HTT: variants seen among roughly 807,000 people sequenced by gnomAD.
HTT encodes huntingtin.
A neutral mutation model predicts 362.3 loss-of-function variants in HTT; 104 were observed. The observed-to-expected ratio is 0.29, with a 90% CI of 0.24 to 0.34. The LOEUF (loss-of-function observed/expected upper bound fraction) is 0.34, where lower values mean the gene tolerates loss of function less well. Ranked by LOEUF, HTT falls within the 10% of genes least tolerant of loss-of-function variation. The probability of loss-of-function intolerance (pLI) is 1.00; values close to 1 mark genes in which losing one functional copy is unlikely to be tolerated. For synonymous variants in HTT, 1,577 were observed against 1,548.7 expected, an observed-to-expected ratio of 1.02 and a Z score of -0.43; for missense variants, 3,301 against 3,928.6, an observed-to-expected ratio of 0.84 and a Z score of 4.27.
chr4:3,106,067 G>A (rs1355502099), intron 5 of HTT, among the ~76,000 whole-genome samples: 2 of 152,168 alleles, frequency 1.3e-5, no homozygotes, highest in East Asian at 1.9e-4. Context: ...TATGAACTGA[G>A]TTTCAATAAG....
intron 6 of HTT, among the ~76,000 whole-genome samples, chr4:3,112,495 G>A (rs1714805838): frequency 6.6e-6 from 1 of 152,166 alleles, no homozygotes; most frequent in Non-Finnish European, 1.5e-5. Flanking sequence ...TTTAAATTCT[G>A]TGTACATAGA....
At chr4:3,089,271 T>TG (rs1382902026) in intron 2 of HTT, among the ~76,000 whole-genome samples, 1 of 152,150 alleles carries the variant, frequency 6.6e-6, no homozygotes, top group Non-Finnish European at 1.5e-5. Context: ...TTTTTTTTTT[T>TG]GAGACAGAGT....
At chr4:3,150,311 ATTAAAT>A (rs1716811660) in intron 26 of HTT, among the ~76,000 whole-genome samples, 1 of 152,166 alleles carries the variant, frequency 6.6e-6, no homozygotes, top group African/African-American at 2.4e-5. Context: ...TTTAATTTTC[ATTAAAT>A]TTAAATTTAA....
Position 3,160,722 on chromosome 4 carries a change from C to T in HTT, c.3864+330C>T, listed in dbSNP as rs139207016. On this transcript the variant is annotated intron_variant, in intron 29 of 66. Coordinates refer to ENST00000355072, the MANE Select transcript of HTT (RefSeq NM_001388492.1). Reference sequence around the variant, plus strand: ...TTCAAGTGGAAAGGGGCAAAACAGACGGGTAAGGGGGCGGGGCGGGAGGTG... The same window carrying T: ...TTCAAGTGGAAAGGGGCAAAACAGATGGGTAAGGGGGCGGGGCGGGAGGTG... Among the ~76,000 whole-genome samples, 167 of 151,814 alleles carry T rather than the reference C, an allele frequency of 1.1e-3. 1 individual carries two copies. The highest frequency in any genetic ancestry group is 1.8e-3 in the Admixed American group (28 of 15,246).
intron 66 of HTT, 61 bp from the exon 67 acceptor site, chr4:3,239,770 AGAGGAACTCCCAGGT>A: frequency 1.6e-6 from 2 of 1,215,574 alleles, no homozygotes. Flanking sequence ...CTGTTTCAGG[AGAGGAACTCCCAGGT>A]GAGGACAGGG....
chr4:3,145,122 G>A, intron 23 of HTT, 30 bp from the exon 24 acceptor site: 1 of 1,497,952 alleles, frequency 6.7e-7, no homozygotes, highest in Non-Finnish European at 9.3e-7. Flanking sequence ...GTGGTGTTTG[G>A]GTGTGATTTT....
intron 64 of HTT, among the ~76,000 whole-genome samples, chr4:3,237,143 G>A (rs1489679345): frequency 2.7e-5 from 4 of 150,918 alleles, no homozygotes; most frequent in South Asian, 2.1e-4. Context: ...GTGTGATCTC[G>A]GCTCACTGCA....
chr4:3,207,105 A>G, intron 44 of HTT, 122 bp downstream of exon 44: 2 of 1,112,876 alleles, frequency 1.8e-6, no homozygotes, highest in South Asian at 3.1e-5. Flanking sequence ...AGAAACATGG[A>G]AACATCTGCA....
At chr4:3,233,867 T>TC (rs1343221341) in intron 61 of HTT, among the ~76,000 whole-genome samples, 3 of 152,184 alleles carry the variant, frequency 2.0e-5, no homozygotes, top group Admixed American at 6.5e-5. Context: ...CACAGCGATG[T>TC]CTTACAAGCG....
chr4:3,235,277 T>G lies in HTT; in HGVS notation c.8457-7T>G. ...GGCTGAGCCTGGATGCTGTCTCCCG[T>G]TTTCAGCTGCGTGAACATTCACAGC... On this transcript the variant is annotated splice_polypyrimidine_tract_variant and splice_region_variant and intron_variant, in intron 61 of 66. Coordinates refer to ENST00000355072, the MANE Select transcript of HTT (RefSeq NM_001388492.1). 34 of 1,603,248 alleles carry G rather than the reference T, an allele frequency of 2.1e-5. No individual in the cohort carries two copies. Among genetic ancestry groups the G allele is most frequent in the Non-Finnish European group, 2.9e-5 (34 of 1,170,650 alleles).
At chr4:3,235,985 C>T (rs1578617710) in intron 63 of HTT, among the ~76,000 whole-genome samples, 164 bp from the exon 64 acceptor site, 1 of 152,220 alleles carries the variant, frequency 6.6e-6, no homozygotes, top group African/African-American at 2.4e-5. Context: ...TGTGGTCACT[C>T]ATCCCATGTG....
intron 31 of HTT, among the ~76,000 whole-genome samples, chr4:3,173,771 C>G (rs1482145008): frequency 6.6e-6 from 1 of 151,680 alleles, no homozygotes; most frequent in African/African-American, 2.4e-5. Flanking sequence ...TGGGTTCATG[C>G]CATTCTCCTG....
intron 2 of HTT, among the ~76,000 whole-genome samples, chr4:3,091,927 G>C (rs1186112610): frequency 3.9e-5 from 6 of 152,208 alleles, no homozygotes; most frequent in Non-Finnish European, 5.9e-5. Flanking sequence ...AGGAAAGTGT[G>C]TAATGATATT....
chr4:3,212,602 C>G lies in HTT; in HGVS notation c.6667C>G (p.Arg2223Gly), dbSNP rs1407425421. The G allele has an allele frequency of 6.2e-7, 1 of 1,614,240 alleles. No individual in the cohort carries two copies. The highest frequency in any genetic ancestry group is 1.7e-5 in the Admixed American group (1 of 60,032). ...GTATCAGTCCCTGCCCACTCTGGCC[C>G]GGGCCCTGGCACAGTACCTGGTGGT... ...ALYQSLPTLA[R>G]ALAQYLVVVS... The change falls in exon 49 of 67, where the codon CGG becomes GGG. Residue 2223 changes from arginine (R) to glycine (G), a missense_variant. Arg to Gly is a moderately radical substitution (Grantham distance 125). Around this residue, in one of 4 missense-constraint regions of HTT, gnomAD observed 220 missense variants for 218.5 expected, o/e 1.01. Transcript: ENST00000355072.
chr4:3,178,539 C>A, intron 35 of HTT, 93 bp downstream of exon 35: 3 of 1,078,816 alleles, frequency 2.8e-6, no homozygotes, highest in Non-Finnish European at 4.1e-6. Flanking sequence ...TTGTCAGTGG[C>A]AGCCATGTGC....
chr4:3,099,799 ATGCTCTATTGTATGGTTTGCAGG>A (rs1560546769), intron 3 of HTT, among the ~76,000 whole-genome samples: 2 of 126,776 alleles, frequency 1.6e-5, no homozygotes, highest in East Asian at 4.8e-4. Context: ...TGGTTTGGAG[ATGCTCTATTGTATGGTTTGCAGG>A]TGCTCTATTG....
chr4:3,198,308 C>G (rs1447117550), intron 40 of HTT, among the ~76,000 whole-genome samples: 2 of 149,718 alleles, frequency 1.3e-5, no homozygotes, highest in Non-Finnish European at 3.0e-5. Context: ...CACTGCTGCC[C>G]CTGCCTCCTG....
chr4:3,080,177 C>T (rs1016827209), intron 1 of HTT, among the ~76,000 whole-genome samples: 1 of 151,112 alleles, frequency 6.6e-6, no homozygotes, highest in Admixed American at 6.6e-5. Flanking sequence ...TCACTAAAAC[C>T]TCTACCTCCT....
intron 2 of HTT, among the ~76,000 whole-genome samples, chr4:3,098,546 A>G (rs1263645928): frequency 1.3e-5 from 2 of 152,224 alleles, no homozygotes; most frequent in African/African-American, 2.4e-5. Flanking sequence ...TTTCATGTAC[A>G]TGGCTCATCA....
Sources: allele counts gnomAD v4.1 joint callset (sites outside exome capture counted in the v4.1 genomes callset), GRCh38; gene constraint gnomAD v4.1.1; regional missense constraint gnomAD v4.1.1; transcripts MANE v1.5; gene names NCBI Gene and HGNC (gene_info 2026-07-23, HGNC 2026-07-21).